Variants in GHR observed in about 807,000 individuals in gnomAD.
GHR encodes the protein GH receptor.
GHR carries 35 observed loss-of-function variants against 67.1 expected under a neutral mutation model. The ratio of observed to expected loss-of-function variants is 0.52; its 90% CI spans 0.40 to 0.69. The LOEUF (loss-of-function observed/expected upper bound fraction) is 0.69. Ranked by LOEUF, GHR falls within the 30% of genes least tolerant of loss-of-function variation. GHR has a pLI of 0.00. For synonymous variants in GHR, 272 were observed against 269.1 expected (o/e 1.01, Z -0.10); for missense variants, 792 against 764.6 (o/e 1.04, Z -0.42).
chr5:42,468,741 G>C, intron 1 of GHR: 1 of 1,017,328 alleles, frequency 9.8e-7, no homozygotes, highest in Non-Finnish European at 1.5e-6. Flanking sequence ...CGCCGCCCCC[G>C]CCAGCTTCTT....
chr5:42,713,783 T>C (rs1758586873), intron 8 of GHR: 1 of 390,264 alleles, frequency 2.6e-6, no homozygotes, highest in Non-Finnish European at 4.8e-6. Flanking sequence ...TATGCATACC[T>C]TGTGATATGT....
At chr5:42,522,123 C>T (rs1235405180) in intron 1 of GHR, among the ~76,000 whole-genome samples, 1 of 152,114 alleles carries the variant, frequency 6.6e-6, no homozygotes, top group Non-Finnish European at 1.5e-5. Context: ...AAACATCCAT[C>T]CCTATCATTA....
intron 2 of GHR, among the ~76,000 whole-genome samples, chr5:42,607,525 G>C (rs116271177): frequency 1.1e-4 from 16 of 152,304 alleles, no homozygotes; most frequent in African/African-American, 3.8e-4. Context: ...CTTATAGTCT[G>C]ATTAGGAATA....
chr5:42,686,015 T>C (rs138893100), intron 3 of GHR, among the ~76,000 whole-genome samples: 62 of 152,270 alleles, frequency 4.1e-4, no homozygotes, highest in Admixed American at 5.2e-4. Context: ...AAGTCTTTGC[T>C]CATGCCTATT....
intron 1 of GHR, among the ~76,000 whole-genome samples, chr5:42,499,472 C>A (rs1746449013): frequency 1.3e-5 from 2 of 152,270 alleles, no homozygotes; most frequent in African/African-American, 4.8e-5. Context: ...CTCATGTGTA[C>A]AGTTTTCATG....
chr5:42,546,046 C>T (rs1262458719), intron 1 of GHR, among the ~76,000 whole-genome samples: 1 of 152,120 alleles, frequency 6.6e-6, no homozygotes, highest in African/African-American at 2.4e-5. Context: ...AGATAAGGAG[C>T]AGTATCTTCT....
intron 2 of GHR, among the ~76,000 whole-genome samples, chr5:42,595,798 A>C (rs916383707): frequency 6.6e-6 from 1 of 152,222 alleles, no homozygotes; most frequent in African/African-American, 2.4e-5. Context: ...TTTATGTGAC[A>C]GATTGGCTGT....
At chr5:42,541,313 A>T (rs926195628) in intron 1 of GHR, among the ~76,000 whole-genome samples, 1 of 152,194 alleles carries the variant, frequency 6.6e-6, no homozygotes, top group African/African-American at 2.4e-5. Context: ...GTGACATTTG[A>T]ATGCATACTT....
rs774075999 is a variant in GHR at position 42,718,063 on chromosome 5, T to A, written c.887T>A (p.Leu296Gln). The change falls in exon 9 of 10, where the codon CTG (leucine) becomes CAG (glutamine). Residue 296 changes from leucine to glutamine, a missense_variant. Coordinates refer to ENST00000230882, the MANE Select transcript of GHR (RefSeq NM_000163.5). ...LFSKQQRIKM[L>Q]ILPPVPVPKI... is the part of the protein sequence containing the mutation. ...TATATGTTTTCAAGGATTAAAATGCTGATTCTGCCCCCAGTTCCAGTTCCA... is the reference window on the plus strand; with the variant it reads ...TATATGTTTTCAAGGATTAAAATGCAGATTCTGCCCCCAGTTCCAGTTCCA... The A allele has an allele frequency of 1.9e-6, 3 of 1,579,766 alleles. No homozygotes were observed. The African/African-American group carries it at 4.1e-5, about 21-fold the overall frequency.
At chr5:42,522,857 G>A (rs989130597) in intron 1 of GHR, among the ~76,000 whole-genome samples, 2 of 152,164 alleles carry the variant, frequency 1.3e-5, no homozygotes, top group African/African-American at 4.8e-5. Flanking sequence ...TTCAACAAAG[G>A]CCTCATGTAC....
chr5:42,679,452 T>C (rs1400647062), intron 3 of GHR, among the ~76,000 whole-genome samples: 1 of 151,236 alleles, frequency 6.6e-6, no homozygotes, highest in Non-Finnish European at 1.5e-5. Context: ...TGGTGAAACA[T>C]TGTCTCTACT....
At chr5:42,481,215 C>T (rs969408367) in intron 1 of GHR, among the ~76,000 whole-genome samples, 11 of 152,054 alleles carry the variant, frequency 7.2e-5, no homozygotes, top group African/African-American at 2.4e-4. Context: ...GAATATTGGC[C>T]CCCACTCTCT....
At chr5:42,600,370 A>T (rs1752311718) in intron 2 of GHR, among the ~76,000 whole-genome samples, 1 of 152,226 alleles carries the variant, frequency 6.6e-6, no homozygotes, top group Non-Finnish European at 1.5e-5. Flanking sequence ...TGCCAGCCTC[A>T]ACTGGCTCCA....
intron 1 of GHR, among the ~76,000 whole-genome samples, chr5:42,470,219 T>C (rs1351945145): frequency 6.8e-6 from 1 of 147,892 alleles, no homozygotes; most frequent in African/African-American, 2.5e-5. Flanking sequence ...TAATATATTA[T>C]ATATTTATAT....
In GHR at chr5:42,583,747, C is replaced by T. The variant is rs72754932; in HGVS notation, c.70+17803C>T. Among the ~76,000 whole-genome samples, 751 of 151,990 alleles carry T rather than the reference C, an allele frequency of 4.9e-3. 4 individuals carry two copies. The highest frequency in any genetic ancestry group is 0.01 in the Admixed American group (154 of 15,268). On this transcript the variant is annotated intron_variant, in intron 2 of 9. Coordinates refer to ENST00000230882, the MANE Select transcript of GHR (RefSeq NM_000163.5). ...CTTGGGATATTTTTGTTTCTTTGTC[C>T]CTCATTTTCTTCTTTTGTCATTTAC...
chr5:42,707,040 C>T (rs377705560), intron 6 of GHR, among the ~76,000 whole-genome samples: 24 of 151,348 alleles, frequency 1.6e-4, no homozygotes, highest in South Asian at 8.3e-4. Context: ...TTTCCATTTG[C>T]GTTATCTGTC....
intron 1 of GHR, among the ~76,000 whole-genome samples, chr5:42,477,613 T>G (rs1474738557): frequency 6.6e-6 from 1 of 152,234 alleles, no homozygotes; most frequent in Non-Finnish European, 1.5e-5. Flanking sequence ...TGGTTTTGAT[T>G]TGCATTTCTC....
intron 1 of GHR, among the ~76,000 whole-genome samples, chr5:42,463,263 G>C (rs1157726046): frequency 6.6e-6 from 1 of 152,194 alleles, no homozygotes; most frequent in African/African-American, 2.4e-5. Flanking sequence ...TGTATATTGA[G>C]AGAGAAGCTG....
intron 1 of GHR, among the ~76,000 whole-genome samples, chr5:42,435,833 G>A (rs1260029123): frequency 1.3e-5 from 2 of 152,072 alleles, no homozygotes; most frequent in Non-Finnish European, 2.9e-5. Context: ...AAACTTACCG[G>A]CCTTTGTAAC....
Sources: allele counts gnomAD v4.1 joint callset (sites outside exome capture counted in the v4.1 genomes callset), GRCh38; gene constraint gnomAD v4.1.1; transcripts MANE v1.5; gene names NCBI Gene and HGNC (gene_info 2026-07-23, HGNC 2026-07-21).